Variants in FER observed in about 807,000 individuals in gnomAD.
The protein encoded by FER is FER tyrosine kinase.
FER carries 63 observed loss-of-function variants against 111.0 expected under a neutral mutation model. That is an observed-to-expected ratio of 0.57 (90% confidence interval 0.46 to 0.70). The LOEUF is 0.70. Among genes scored for constraint, FER ranks in the 30% least tolerant of loss-of-function variants. The pLI, the probability that FER is intolerant of heterozygous loss-of-function variation, is 0.00. For missense variants in FER, 914 were observed against 954.0 expected (o/e 0.96, Z 0.55); for synonymous variants, 327 against 313.9 (o/e 1.04, Z -0.44).
intron 16 of FER, among the ~76,000 whole-genome samples, chr5:109,050,259 C>T (rs867628410): frequency 3.3e-5 from 5 of 151,644 alleles, no homozygotes; most frequent in Middle Eastern, 3.4e-3. Context: ...ATAGGATACA[C>T]GGGGAAAAAC....
At chr5:108,900,780 T>C (rs1749897605) in intron 10 of FER, among the ~76,000 whole-genome samples, 1 of 152,218 alleles carries the variant, frequency 6.6e-6, no homozygotes, top group African/African-American at 2.4e-5. Context: ...AGGTTCCAAA[T>C]GATCAAATGT....
intron 17 of FER, among the ~76,000 whole-genome samples, chr5:109,142,127 A>G (rs1753588423): frequency 6.6e-6 from 1 of 152,166 alleles, no homozygotes; most frequent in African/African-American, 2.4e-5. Flanking sequence ...ATCTCATTTA[A>G]GAGGGTGAAG....
chr5:109,002,179 A>T (rs1473579162), intron 13 of FER, among the ~76,000 whole-genome samples: 1 of 151,754 alleles, frequency 6.6e-6, no homozygotes, highest in Non-Finnish European at 1.5e-5. Context: ...CTCCTAAGCC[A>T]AAAGAACAAA....
chr5:108,882,009 A>G (rs910995605), intron 8 of FER, among the ~76,000 whole-genome samples: 3 of 152,148 alleles, frequency 2.0e-5, no homozygotes, highest in African/African-American at 7.2e-5. Flanking sequence ...TTAAAATTGT[A>G]TCTTAGAAAA....
At chr5:109,018,671 A>G (rs1462388408) in intron 13 of FER, among the ~76,000 whole-genome samples, 1 of 151,798 alleles carries the variant, frequency 6.6e-6, no homozygotes, top group East Asian at 1.9e-4. Context: ...TGAATCGTAT[A>G]TATGTAAACA....
At chr5:108,829,612 C>T (rs975684439) in intron 3 of FER, among the ~76,000 whole-genome samples, 13 of 152,154 alleles carry the variant, frequency 8.5e-5, no homozygotes, top group African/African-American at 3.1e-4. Context: ...GCACTCCAGC[C>T]TGGGTGACAG....
At chr5:109,153,534 G>A (rs926739927) in intron 17 of FER, among the ~76,000 whole-genome samples, 1 of 151,874 alleles carries the variant, frequency 6.6e-6, no homozygotes, top group Admixed American at 6.6e-5. Flanking sequence ...TTGACTGAAA[G>A]ATCTTGGGTG....
intron 5 of FER, chr5:108,842,893 C>T (rs2150158244): frequency 6.6e-6 from 1 of 152,326 alleles, no homozygotes; most frequent in East Asian, 1.9e-4. Flanking sequence ...AGCAATCCCA[C>T]TACTGGGTAT....
intron 3 of FER, among the ~76,000 whole-genome samples, chr5:108,802,499 C>T (rs1475159577): frequency 6.6e-6 from 1 of 151,790 alleles, no homozygotes; most frequent in Non-Finnish European, 1.5e-5. Flanking sequence ...TCAGCCTTTC[C>T]CCCCGTCCTT....
At chr5:108,934,992 A>G (rs2149593064) in intron 10 of FER, among the ~76,000 whole-genome samples, 1 of 152,290 alleles carries the variant, frequency 6.6e-6, no homozygotes, top group East Asian at 1.9e-4. Flanking sequence ...TATGTGAATC[A>G]TGCAATTCTT....
intron 10 of FER, among the ~76,000 whole-genome samples, chr5:108,918,889 G>T (rs1169453527): frequency 2.0e-5 from 3 of 152,166 alleles, no homozygotes; most frequent in Admixed American, 2.0e-4. Flanking sequence ...GTTCTCAATT[G>T]TATTCTGAGG....
Position 109,034,578 on chromosome 5 carries a change from C to T in FER, c.1657-2844C>T, listed in dbSNP as rs184739267. Among the ~76,000 whole-genome samples, 42 of 152,176 alleles carry T rather than the reference C, an allele frequency of 2.8e-4. 1 individual carries two copies. The highest frequency in any genetic ancestry group is 2.7e-3 in the Admixed American group (41 of 15,280). On this transcript the variant is annotated intron_variant, in intron 13 of 19. Coordinates refer to ENST00000281092, the MANE Select transcript of FER (RefSeq NM_005246.4). ...AGCCCATAAATCCTTGACATGGCTT[C>T]TTTTCTTAACCTAGCTTTAGTCTGT...
intron 13 of FER, among the ~76,000 whole-genome samples, chr5:108,997,448 A>G (rs920623759): frequency 2.0e-5 from 3 of 150,538 alleles, no homozygotes; most frequent in African/African-American, 7.3e-5. Flanking sequence ...TTTTGGGCTG[A>G]GACGATGGGG....
intron 17 of FER, among the ~76,000 whole-genome samples, chr5:109,115,260 G>A (rs1015852540): frequency 6.6e-6 from 1 of 152,070 alleles, no homozygotes; most frequent in South Asian, 2.1e-4. Context: ...CTAAACTATA[G>A]TAGTGATAGG....
intron 13 of FER, among the ~76,000 whole-genome samples, chr5:108,997,416 CAAAA>C (rs552848111): frequency 1.4e-4 from 15 of 107,984 alleles, no homozygotes; most frequent in Admixed American, 3.1e-4. Context: ...GACCCTGTCT[CAAAA>C]AAAAAAAAAA....
intron 2 of FER, among the ~76,000 whole-genome samples, chr5:108,787,101 G>T (rs1342142541): frequency 1.3e-5 from 2 of 152,046 alleles, no homozygotes; most frequent in East Asian, 3.9e-4. Context: ...GCAGCTTGGG[G>T]CCCAGGAAGC....
chr5:109,029,946 A>G (rs1769361256), intron 13 of FER, among the ~76,000 whole-genome samples: 1 of 151,990 alleles, frequency 6.6e-6, no homozygotes, highest in Admixed American at 6.6e-5. Flanking sequence ...TTTATCTCAG[A>G]TTATACAAAT....
At chr5:108,902,690 CA>C (rs1016953369) in intron 10 of FER, among the ~76,000 whole-genome samples, 1 of 152,128 alleles carries the variant, frequency 6.6e-6, no homozygotes, top group African/African-American at 2.4e-5. Context: ...GGGATAATGA[CA>C]GATTAAATGT....
chr5:109,066,956 C>T (rs1048677681), intron 16 of FER, among the ~76,000 whole-genome samples: 1 of 152,104 alleles, frequency 6.6e-6, no homozygotes, highest in East Asian at 1.9e-4. Context: ...CCTTAGGAAA[C>T]ATCATCTGGA....
Sources: gnomAD v4.1 joint callset for allele counts (sites outside exome capture counted in the v4.1 genomes callset) on GRCh38, gnomAD v4.1.1 for gene constraint, MANE v1.5 for transcripts, NCBI Gene and HGNC (gene_info 2026-07-23, HGNC 2026-07-21) for gene names.